CTNNA3: variants seen among roughly 807,000 people sequenced by gnomAD.
CTNNA3 encodes the protein catenin alpha-3.
A neutral mutation model predicts 95.7 loss-of-function variants in CTNNA3; 76 were observed. The ratio of observed to expected loss-of-function variants is 0.79; its 90% confidence interval spans 0.66 to 0.96. CTNNA3 has a LOEUF of 0.96. CTNNA3 is among the 40% of genes least tolerant of loss of function. The probability of loss-of-function intolerance (pLI) is 0.00; values close to 1 mark genes in which losing one functional copy is unlikely to be tolerated. For missense variants in CTNNA3, 1,191 were observed against 1,089.8 expected (o/e 1.09, Z -1.31); for synonymous variants, 431 against 374.4 (o/e 1.15, Z -1.74).
At position 67,199,938 on chromosome 10, in the gene CTNNA3, G is replaced by A. The variant is rs114420667; in HGVS notation, c.844-19418C>T. 5.0e-3 allele frequency among the ~76,000 whole-genome samples: 761 copies of A among 152,176 alleles called. 6 individuals are homozygous for A. Among genetic ancestry groups the A allele is most frequent in the African/African-American group, 0.017 (707 of 41,506 alleles). The stretch of plus-strand genomic sequence containing the variant: ...ACACCGCTCCAGACTTTTCTTATCA[G>A]GATATTATAAAACACTAGTTAACTA... On this transcript the variant is annotated intron_variant, in intron 6 of 17. Transcript: ENST00000433211.
chr10:66,756,769 C>A (rs757664061), intron 9 of CTNNA3, among the ~76,000 whole-genome samples: 1 of 152,132 alleles, frequency 6.6e-6, no homozygotes, highest in Non-Finnish European at 1.5e-5. Flanking sequence ...AAGTTCCCTT[C>A]CTGTATTTTA....
intron 12 of CTNNA3, among the ~76,000 whole-genome samples, chr10:66,313,832 C>A (rs577025285): frequency 6.6e-6 from 1 of 152,250 alleles, no homozygotes; most frequent in Non-Finnish European, 1.5e-5. Context: ...ACATCTTAAA[C>A]TCCTCCATTC....
chr10:67,076,257 G>A (rs1267935247), intron 7 of CTNNA3, among the ~76,000 whole-genome samples: 1 of 152,192 alleles, frequency 6.6e-6, no homozygotes, highest in East Asian at 1.9e-4. Context: ...TAGGATTAAT[G>A]CTAACTTTTC....
chr10:66,114,610 G>A (rs2082251955), intron 13 of CTNNA3, among the ~76,000 whole-genome samples: 1 of 151,852 alleles, frequency 6.6e-6, no homozygotes, highest in African/African-American at 2.4e-5. Context: ...GTTGGGTACA[G>A]TGGCTCACAT....
At chr10:66,229,300 T>A (rs1255334865) in intron 13 of CTNNA3, among the ~76,000 whole-genome samples, 1 of 152,194 alleles carries the variant, frequency 6.6e-6, no homozygotes, top group Non-Finnish European at 1.5e-5. Context: ...TACTTGTGCA[T>A]CTGCTGTACC....
At chr10:67,501,158 G>A (rs1330254108) in intron 5 of CTNNA3, among the ~76,000 whole-genome samples, 1 of 152,116 alleles carries the variant, frequency 6.6e-6, no homozygotes, top group Non-Finnish European at 1.5e-5. Flanking sequence ...AGGCAGGCCT[G>A]GTGGTGACAA....
At chr10:67,746,488 C>A (rs1841375546) in intron 1 of CTNNA3, among the ~76,000 whole-genome samples, 1 of 151,992 alleles carries the variant, frequency 6.6e-6, no homozygotes, top group African/African-American at 2.4e-5. Context: ...CATCATTAAC[C>A]AAGGTATCCA....
At chr10:66,749,886 C>G (rs1839060824) in intron 9 of CTNNA3, among the ~76,000 whole-genome samples, 1 of 152,166 alleles carries the variant, frequency 6.6e-6, no homozygotes, top group Non-Finnish European at 1.5e-5. Flanking sequence ...CTTGGTATTG[C>G]CAGTATCTTG....
intron 7 of CTNNA3, among the ~76,000 whole-genome samples, chr10:66,817,532 T>C (rs767648633): frequency 2.6e-5 from 4 of 151,960 alleles, no homozygotes; most frequent in Non-Finnish European, 5.9e-5. Context: ...AGGAATAGTA[T>C]GAACAACTAC....
chr10:67,206,733 A>ATCTAGATTCTAGATTCTAGAATCTAGAT (rs151185512), intron 6 of CTNNA3, among the ~76,000 whole-genome samples: 2 of 151,524 alleles, frequency 1.3e-5, no homozygotes, highest in African/African-American at 2.4e-5. Context: ...TGATTCTAGA[A>ATCTAGATTCTAGATTCTAGAATCTAGAT]TCTAGATTCT....
At chr10:66,238,120 A>G (rs1435675859) in intron 13 of CTNNA3, among the ~76,000 whole-genome samples, 1 of 152,124 alleles carries the variant, frequency 6.6e-6, no homozygotes, top group African/African-American at 2.4e-5. Context: ...AATCCAAAAT[A>G]TAAAGCAGGT....
intron 5 of CTNNA3, among the ~76,000 whole-genome samples, chr10:67,355,996 T>C (rs546294999): frequency 1.3e-5 from 2 of 151,980 alleles, no homozygotes; most frequent in Non-Finnish European, 2.9e-5. Context: ...CTTACAACTT[T>C]AAAGACCATC....
chr10:67,409,156 C>T (rs949732278), intron 5 of CTNNA3, among the ~76,000 whole-genome samples: 1 of 152,032 alleles, frequency 6.6e-6, no homozygotes, highest in African/African-American at 2.4e-5. Flanking sequence ...GTTAGTTTAA[C>T]CATTGTGGAA....
At chr10:66,944,886 G>A (rs117945094) in intron 7 of CTNNA3, among the ~76,000 whole-genome samples, 4,376 of 152,244 alleles carry the variant, frequency 0.029, 102 homozygotes, top group Non-Finnish European at 0.043. Flanking sequence ...ACTTTGAAAG[G>A]AATCTTTTTT....
chr10:67,683,231 C>T (rs1041810133), intron 1 of CTNNA3, among the ~76,000 whole-genome samples: 1 of 152,198 alleles, frequency 6.6e-6, no homozygotes, highest in African/African-American at 2.4e-5. Flanking sequence ...CAGCCCTGGA[C>T]TAAGAACCCA....
At chr10:67,360,283 A>G (rs1452929187) in intron 5 of CTNNA3, among the ~76,000 whole-genome samples, 1 of 152,154 alleles carries the variant, frequency 6.6e-6, no homozygotes, top group Non-Finnish European at 1.5e-5. Context: ...GACCCTATAA[A>G]GAAACAATGC....
chr10:67,727,288 T>C (rs1841240496), intron 1 of CTNNA3, among the ~76,000 whole-genome samples: 1 of 131,994 alleles, frequency 7.6e-6, no homozygotes, highest in East Asian at 2.1e-4. Flanking sequence ...CAACAGTGAC[T>C]AGAATTTTAT....
intron 16 of CTNNA3, among the ~76,000 whole-genome samples, chr10:65,986,836 T>C (rs1301040489): frequency 6.6e-6 from 1 of 150,724 alleles, no homozygotes; most frequent in East Asian, 1.9e-4. Context: ...TAACTAAAAC[T>C]GCATGGTACT....
At chr10:66,028,797 G>T (rs1014439564) in intron 15 of CTNNA3, among the ~76,000 whole-genome samples, 1 of 151,940 alleles carries the variant, frequency 6.6e-6, no homozygotes, top group African/African-American at 2.4e-5. Flanking sequence ...TCAAAGAAAA[G>T]GAATAGAAGT....
Sources: gnomAD v4.1 joint callset for allele counts (sites outside exome capture counted in the v4.1 genomes callset) on GRCh38, gnomAD v4.1.1 for gene constraint, MANE v1.5 for transcripts, NCBI Gene and HGNC (gene_info 2026-07-23, HGNC 2026-07-21) for gene names.